The following FAM174A variants were observed in gnomAD, a reference collection of about 807,000 sequenced individuals.
FAM174A encodes the protein membrane protein FAM174A.
FAM174A carries 14 observed loss-of-function variants against 14.3 expected under a neutral mutation model. That is an observed-to-expected ratio of 0.98 (90% CI 0.65 to 1.53). The LOEUF is 1.53. Ranked by LOEUF, FAM174A falls within the 40% of genes most tolerant of loss-of-function variation. FAM174A has a pLI of 0.00. For missense variants in FAM174A, 241 were observed against 249.6 expected (o/e 0.97, Z 0.23); for synonymous variants, 108 against 111.4 (o/e 0.97, Z 0.19).
At chr5:100,559,225 T>G (rs866858791) in intron 1 of FAM174A, among the ~76,000 whole-genome samples, 14 of 152,190 alleles carry the variant, frequency 9.2e-5, no homozygotes, top group South Asian at 6.2e-4. Flanking sequence ...ATGAAATTCG[T>G]GGTTGAAAAT....
intron 1 of FAM174A, among the ~76,000 whole-genome samples, chr5:100,558,958 G>T (rs1340401263): frequency 6.6e-6 from 1 of 152,168 alleles, no homozygotes; most frequent in Non-Finnish European, 1.5e-5. Context: ...ATATTGTGAT[G>T]TGTGAATTTG....
At chr5:100,552,291 G>T (rs1165303408) in intron 1 of FAM174A, among the ~76,000 whole-genome samples, 1 of 151,972 alleles carries the variant, frequency 6.6e-6, no homozygotes, top group Non-Finnish European at 1.5e-5. Context: ...TTTTTTCTAA[G>T]AATAGTCAAG....
At chr5:100,566,348 C>T (rs1746652047) in intron 2 of FAM174A, among the ~76,000 whole-genome samples, 1 of 151,104 alleles carries the variant, frequency 6.6e-6, no homozygotes, top group Admixed American at 6.6e-5. Context: ...TATATGGAAT[C>T]TAAATAGTCA....
intron 1 of FAM174A, among the ~76,000 whole-genome samples, chr5:100,559,396 G>GA (rs1178403070): frequency 1.3e-5 from 2 of 152,036 alleles, no homozygotes; most frequent in Admixed American, 6.6e-5. Context: ...CAACTTTGGT[G>GA]AATCTGGCAG....
chr5:100,564,728 CATG>C (rs1049412742), intron 2 of FAM174A, among the ~76,000 whole-genome samples: 20 of 151,836 alleles, frequency 1.3e-4, no homozygotes, highest in African/African-American at 4.8e-4. Flanking sequence ...TTAAAGAAGA[CATG>C]AGACTACTAT....
chr5:100,575,269 T>C (rs535181150), intron 2 of FAM174A, among the ~76,000 whole-genome samples: 24 of 152,144 alleles, frequency 1.6e-4, no homozygotes, highest in Non-Finnish European at 3.1e-4. Flanking sequence ...TATTTTATTA[T>C]ACTTTGAGTT....
chr5:100,564,299 T>C lies in FAM174A; in HGVS notation c.569+2111T>C, dbSNP rs1332485970. On this transcript the variant is annotated intron_variant, in intron 2 of 2. Coordinates refer to ENST00000312637, the MANE Select transcript of FAM174A (RefSeq NM_198507.3). ...ACTCTTGAGCAATTATTGGGTCAAA[T>C]AGGAAATCAAAGGGAATTTTAAGAG... Among the ~76,000 whole-genome samples, 4 of 151,052 alleles carry C rather than the reference T, an allele frequency of 2.6e-5. No individual in the cohort carries two copies. The South Asian group carries it at 6.2e-4, about 24-fold the overall frequency.
At position 100,535,861 on chromosome 5, in the gene FAM174A, G is replaced by C; in HGVS notation, c.331G>C (p.Val111Leu). Residue 111 changes from valine (V) to leucine (L), a missense_variant, in exon 1 of 3, where the codon GTG becomes CTG. Val to Leu is a conservative substitution (Grantham distance 32, BLOSUM62 1). Coordinates refer to ENST00000312637, the MANE Select transcript of FAM174A (RefSeq NM_198507.3). ...GEGSVGGGLA[V>L]SPNPGDKPMT... ...AGGCTCGGTGGGTGGCGGCCTTGCTGTGAGCCCCAACCCTGGCGACAAGCC... is the reference window on the plus strand; with the variant it reads ...AGGCTCGGTGGGTGGCGGCCTTGCTCTGAGCCCCAACCCTGGCGACAAGCC... 1 of 1,612,748 alleles carries C rather than the reference G, an allele frequency of 6.2e-7. No homozygotes were observed. Among genetic ancestry groups the C allele is most frequent in the South Asian group, 1.1e-5 (1 of 91,060 alleles).
chr5:100,570,404 A>T lies in FAM174A; in HGVS notation c.569+8216A>T, dbSNP rs879307711. Among the ~76,000 whole-genome samples the T allele has an allele frequency of 8.5e-5, 13 of 152,106 alleles. No homozygotes were observed. In the East Asian group the frequency reaches 1.2e-3, roughly 14 times the overall value. On this transcript the variant is annotated intron_variant, in intron 2 of 2. Coordinates refer to ENST00000312637, the MANE Select transcript of FAM174A (RefSeq NM_198507.3). The stretch of plus-strand genomic sequence containing the variant: ...ATGCATTACACTATCAATTCATTAA[A>T]CATTTTAAACTTTTCTTGTGTGAAA...
intron 2 of FAM174A, among the ~76,000 whole-genome samples, chr5:100,581,960 A>C (rs1415643883): frequency 7.9e-5 from 12 of 152,188 alleles, no homozygotes; most frequent in Non-Finnish European, 1.3e-4. Flanking sequence ...CCATATCTTA[A>C]GAGACTCTTT....
At chr5:100,568,704 A>T (rs1384482040) in intron 2 of FAM174A, among the ~76,000 whole-genome samples, 1 of 150,956 alleles carries the variant, frequency 6.6e-6, no homozygotes, top group African/African-American at 2.4e-5. Flanking sequence ...TTGCCTATTA[A>T]AGAATTGCTT....
chr5:100,578,125 G>A (rs1203843168), intron 2 of FAM174A, among the ~76,000 whole-genome samples: 2 of 152,000 alleles, frequency 1.3e-5, no homozygotes, highest in Non-Finnish European at 2.9e-5. Context: ...TTTTAGTACC[G>A]TGGAAATTCT....
At chr5:100,550,733 C>CAGAAA (rs1369087624) in intron 1 of FAM174A, among the ~76,000 whole-genome samples, 1 of 152,132 alleles carries the variant, frequency 6.6e-6, no homozygotes, top group African/African-American at 2.4e-5. Flanking sequence ...TTAGGTAGAA[C>CAGAAA]AGAAAAGGGT....
At chr5:100,546,382 G>A (rs766593439) in intron 1 of FAM174A, among the ~76,000 whole-genome samples, 1 of 152,126 alleles carries the variant, frequency 6.6e-6, no homozygotes, top group Non-Finnish European at 1.5e-5. Context: ...GGTACTATGT[G>A]TGGGGAGGCA....
chr5:100,560,761 A>G (rs1393678722), intron 1 of FAM174A, among the ~76,000 whole-genome samples: 1 of 152,044 alleles, frequency 6.6e-6, no homozygotes, highest in East Asian at 1.9e-4. Flanking sequence ...AACAGAGTAA[A>G]TCAGAATTTA....
intron 2 of FAM174A, among the ~76,000 whole-genome samples, chr5:100,569,903 AT>A (rs1327012529): frequency 1.3e-5 from 2 of 151,712 alleles, no homozygotes; most frequent in African/African-American, 4.8e-5. Flanking sequence ...GGGATTCACA[AT>A]TTTTGGGTTT....
intron 1 of FAM174A, among the ~76,000 whole-genome samples, chr5:100,549,032 G>A (rs1017876540): frequency 4.0e-5 from 6 of 151,732 alleles, no homozygotes; most frequent in Admixed American, 2.6e-4. Context: ...TTATATATAC[G>A]TATATGTATC....
chr5:100,582,891 TG>T (rs1373786477), intron 2 of FAM174A, among the ~76,000 whole-genome samples: 1 of 152,138 alleles, frequency 6.6e-6, no homozygotes, highest in Non-Finnish European at 1.5e-5. Flanking sequence ...TTGAATAACA[TG>T]GGGGCTAGGG....
At chr5:100,556,689 A>T (rs1038862998) in intron 1 of FAM174A, among the ~76,000 whole-genome samples, 2 of 151,980 alleles carry the variant, frequency 1.3e-5, no homozygotes, top group Non-Finnish European at 2.9e-5. Context: ...TAGGTATTTT[A>T]TTCTCTTTGA....
Sources: gnomAD v4.1 joint callset for allele counts (sites outside exome capture counted in the v4.1 genomes callset) on GRCh38, gnomAD v4.1.1 for gene constraint, MANE v1.5 for transcripts, NCBI Gene and HGNC (gene_info 2026-07-23, HGNC 2026-07-21) for gene names.